CDC20B: variants seen among roughly 807,000 people sequenced by gnomAD.
CDC20B encodes cell division cycle 20B.
A neutral mutation model predicts 64.1 loss-of-function variants in CDC20B; 58 were observed. The ratio of observed to expected loss-of-function variants is 0.90; its 90% CI spans 0.73 to 1.13. CDC20B has a LOEUF of 1.13. CDC20B is among the 50% of genes most tolerant of loss of function. CDC20B has a pLI of 0.00. For synonymous variants in CDC20B, 243 were observed against 230.6 expected (o/e 1.05, Z -0.49); for missense variants, 597 against 633.0 (o/e 0.94, Z 0.61).
At chr5:55,162,041 C>T (rs1476309182) in intron 2 of CDC20B, among the ~76,000 whole-genome samples, 1 of 138,038 alleles carries the variant, frequency 7.2e-6, no homozygotes, top group Non-Finnish European at 1.5e-5. Flanking sequence ...AAATAAAGTA[C>T]TTATACACTG....
intron 2 of CDC20B, chr5:55,166,980 A>G (rs770702643): frequency 2.0e-5 from 3 of 152,232 alleles, no homozygotes; most frequent in African/African-American, 4.8e-5. Context: ...CAATGAGCCA[A>G]GATTGCACCA....
intron 2 of CDC20B, among the ~76,000 whole-genome samples, chr5:55,153,240 T>TAAAAAAAAA (rs1206577177): frequency 2.3e-5 from 2 of 87,660 alleles, no homozygotes; most frequent in Non-Finnish European, 2.0e-5. Flanking sequence ...CCTTGTCTCA[T>TAAAAAAAAA]AAAAAAAAAA....
chr5:55,127,354 GA>G lies in CDC20B; in HGVS notation c.895-4del. On this transcript the variant is annotated splice_polypyrimidine_tract_variant and splice_region_variant and intron_variant, in intron 7 of 11. Transcript: ENST00000381375. ...TTTTTAGTTACCACATCCCATAACT[GA>G]AAAAATGAACAAGGAGAGTTATGTA... The G allele has an allele frequency of 6.2e-7, 1 of 1,611,716 alleles. No individual in the cohort carries two copies. The highest frequency in any genetic ancestry group is 8.5e-7 in the Non-Finnish European group (1 of 1,178,112).
At chr5:55,165,791 T>C (rs1407971170) in intron 2 of CDC20B, 1 of 152,244 alleles carries the variant, frequency 6.6e-6, no homozygotes, top group African/African-American at 2.4e-5. Context: ...GCAAGTCACT[T>C]AAGTACCTTA....
chr5:55,122,488 C>A (rs1211226932), intron 9 of CDC20B, among the ~76,000 whole-genome samples: 1 of 152,104 alleles, frequency 6.6e-6, no homozygotes, highest in Non-Finnish European at 1.5e-5. Flanking sequence ...AAGATAGCTA[C>A]AACACTGTCT....
intron 11 of CDC20B, among the ~76,000 whole-genome samples, chr5:55,116,565 C>T (rs1742631474): frequency 6.6e-6 from 1 of 152,236 alleles, no homozygotes; most frequent in Non-Finnish European, 1.5e-5. Context: ...CCTTCCACCT[C>T]AGTCTCTCAA....
At chr5:55,171,988 G>A (rs557967696) in intron 2 of CDC20B, among the ~76,000 whole-genome samples, 10 of 152,334 alleles carry the variant, frequency 6.6e-5, no homozygotes, top group African/African-American at 2.4e-4. Flanking sequence ...GTCAAAGGAA[G>A]ATGAACTATT....
At chr5:55,129,917 A>G (rs991831971) in intron 6 of CDC20B, among the ~76,000 whole-genome samples, 1 of 152,260 alleles carries the variant, frequency 6.6e-6, no homozygotes, top group Non-Finnish European at 1.5e-5. Context: ...CATAACATCT[A>G]CAATATCCAG....
chr5:55,143,511 A>G lies in CDC20B; in HGVS notation c.486+2T>C, dbSNP rs199820748. 2.0e-4 allele frequency: 314 copies of G among 1,590,582 alleles called. No homozygotes were observed. Among genetic ancestry groups the G allele is most frequent in the Non-Finnish European group, 2.5e-4 (291 of 1,170,288 alleles). ...ATCTTCAGTTTTTTTCTCTTTACCT[A>G]CCTGCCCTTTTGAGGCAACACTTTC... is the stretch of plus-strand genomic sequence containing the variant. On this transcript the variant is annotated splice_donor_variant, in intron 4 of 11. Transcript: ENST00000381375. LOFTEE classifies it high-confidence loss of function.
In CDC20B at chr5:55,119,882, T is replaced by A. The variant is rs759361609; in HGVS notation, c.1378A>T (p.Ile460Phe). Reference sequence around the variant, plus strand: ...TTGGGAGTACCTTGACCAGTTGCAATCTCCTTTGTCTTAGGTAGCCAGATT... The same window carrying A: ...TTGGGAGTACCTTGACCAGTTGCAAACTCCTTTGTCTTAGGTAGCCAGATT... ...SLIWLPKTKEIATGQGTPKND... is the reference protein window; with the variant it reads ...SLIWLPKTKEFATGQGTPKND... Residue 460 changes from isoleucine to phenylalanine, a missense_variant, in exon 11 of 12, where the codon ATT (isoleucine) becomes TTT (phenylalanine). Ile to Phe is a conservative substitution (Grantham distance 21). Transcript: ENST00000381375. 9 of 1,613,838 alleles carry A rather than the reference T, an allele frequency of 5.6e-6. No individual in the cohort carries two copies. The highest frequency in any genetic ancestry group is 5.9e-6 in the Non-Finnish European group (7 of 1,179,740).
In CDC20B at chr5:55,133,432, G is replaced by A. The variant is rs766953333; in HGVS notation, c.677C>T (p.Thr226Ile). 2 of 1,552,824 alleles carry A rather than the reference G, an allele frequency of 1.3e-6. No individual in the cohort carries two copies. The highest frequency in any genetic ancestry group is 1.2e-5 in the South Asian group (1 of 83,652). Residue 226 changes from threonine to isoleucine, a missense_variant, in exon 6 of 12, where the codon ACT becomes ATT. By Grantham distance (89) the Thr-to-Ile change is moderately conservative (BLOSUM62 -1). Transcript: ENST00000381375. ...CTTACAGTAGTCATTTCGAAGACCAGTAATATGAATCTTCACCTCTGGTTG... is the reference window on the plus strand; with the variant it reads ...CTTACAGTAGTCATTTCGAAGACCAATAATATGAATCTTCACCTCTGGTTG... The part of the protein sequence containing the change: ...ILQPEVKIHI[T>I]GLRNDYYLNI...
intron 2 of CDC20B, among the ~76,000 whole-genome samples, chr5:55,156,981 C>A (rs1257335101): frequency 6.6e-6 from 1 of 152,178 alleles, no homozygotes; most frequent in Non-Finnish European, 1.5e-5. Context: ...TCCAAAATTG[C>A]TTTTACAGTT....
intron 2 of CDC20B, among the ~76,000 whole-genome samples, chr5:55,151,942 GAAGTT>G (rs1743677851): frequency 6.6e-6 from 1 of 152,198 alleles, no homozygotes; most frequent in African/African-American, 2.4e-5. Context: ...AGTTCAGGAT[GAAGTT>G]AAGTTGAGGT....
intron 5 of CDC20B, chr5:55,137,176 C>CAA (rs56678420): frequency 3.5e-5 from 4 of 114,426 alleles, no homozygotes; most frequent in East Asian, 2.4e-4. Flanking sequence ...GACTCTGTCT[C>CAA]AAAAAAAAAA....
At chr5:55,155,490 T>C (rs1230847297) in intron 2 of CDC20B, among the ~76,000 whole-genome samples, 1 of 152,138 alleles carries the variant, frequency 6.6e-6, no homozygotes, top group Non-Finnish European at 1.5e-5. Context: ...CCTCTGAGTG[T>C]GTGCCGCTCC....
chr5:55,120,581 G>A, intron 9 of CDC20B, 31 bp from the exon 10 acceptor site: 4 of 1,609,728 alleles, frequency 2.5e-6, no homozygotes, highest in Non-Finnish European at 3.4e-6. Context: ...GCACAGACAG[G>A]TCAGCTTCAA....
chr5:55,128,820 A>T (rs1202407530), intron 6 of CDC20B, among the ~76,000 whole-genome samples: 1 of 152,256 alleles, frequency 6.6e-6, no homozygotes, highest in Non-Finnish European at 1.5e-5. Flanking sequence ...CAGTCTAATA[A>T]GCAATAATGC....
At chr5:55,127,147 T>C in intron 8 of CDC20B, 110 bp downstream of exon 8, 2 of 929,750 alleles carry the variant, frequency 2.2e-6, no homozygotes, top group South Asian at 1.5e-5. Context: ...CAATGGCCTA[T>C]TTTGTTTTAT....
At chr5:55,120,356 C>G in intron 10 of CDC20B, 69 bp downstream of exon 10, 3 of 1,580,148 alleles carry the variant, frequency 1.9e-6, no homozygotes, top group Non-Finnish European at 2.6e-6. Flanking sequence ...GGCATAGGCT[C>G]TGTTGTAAAC....
Sources: gnomAD v4.1 joint callset for allele counts (sites outside exome capture counted in the v4.1 genomes callset) on GRCh38, gnomAD v4.1.1 for gene constraint, MANE v1.5 for transcripts, NCBI Gene and HGNC (gene_info 2026-07-23, HGNC 2026-07-21) for gene names.